The following NRG2 variants were observed in gnomAD, a reference collection of about 807,000 sequenced individuals.
NRG2 encodes the protein pro-neuregulin-2, membrane-bound isoform.
NRG2 carries 27 observed loss-of-function variants against 73.9 expected under a neutral mutation model. The ratio of observed to expected loss-of-function variants is 0.37; its 90% CI spans 0.27 to 0.50. NRG2 has a LOEUF of 0.50. Ranked by LOEUF, NRG2 falls within the 20% of genes least tolerant of loss-of-function variation. The pLI, the probability that NRG2 is intolerant of heterozygous loss-of-function variation, is 0.96. For missense variants in NRG2, 1,126 were observed against 1,210.1 expected, an observed-to-expected ratio of 0.93 and a Z score of 1.03; for synonymous variants, 532 against 541.0, an observed-to-expected ratio of 0.98 and a Z score of 0.23.
chr5:139,951,579 G>T (rs369436157), intron 1 of NRG2, among the ~76,000 whole-genome samples: 1 of 127,660 alleles, frequency 7.8e-6, no homozygotes, highest in African/African-American at 3.6e-5. Flanking sequence ...GAGCTCCGTG[G>T]CTCCTCTAAT....
At chr5:139,916,097 G>A (rs1320757223) in intron 1 of NRG2, among the ~76,000 whole-genome samples, 1 of 152,196 alleles carries the variant, frequency 6.6e-6, no homozygotes, top group Non-Finnish European at 1.5e-5. Flanking sequence ...GCAGAGTCTG[G>A]AGGCAGCAAG....
At chr5:139,957,303 ATCTCTGTGTGTG>A (rs1208776481) in intron 1 of NRG2, among the ~76,000 whole-genome samples, 1 of 127,206 alleles carries the variant, frequency 7.9e-6, no homozygotes, top group East Asian at 2.3e-4. Context: ...CCACTCAAGA[ATCTCTGTGTGTG>A]TGTGTGTGTG....
At chr5:139,881,783 GC>G (rs1284596243) in intron 2 of NRG2, among the ~76,000 whole-genome samples, 9 of 152,200 alleles carry the variant, frequency 5.9e-5, no homozygotes, top group Non-Finnish European at 1.2e-4. Flanking sequence ...AAAAGCTGGG[GC>G]TAGCCCTGAA....
At chr5:139,885,203 T>G (rs1738911906) in intron 2 of NRG2, among the ~76,000 whole-genome samples, 1 of 151,784 alleles carries the variant, frequency 6.6e-6, no homozygotes, top group South Asian at 2.1e-4. Context: ...GAAGGTGAAA[T>G]CACCCACAGG....
At chr5:139,971,514 T>G (rs1755968070) in intron 1 of NRG2, among the ~76,000 whole-genome samples, 1 of 152,016 alleles carries the variant, frequency 6.6e-6, no homozygotes, top group Non-Finnish European at 1.5e-5. Context: ...GGCCTCAAAA[T>G]AGGTCAAACA....
In NRG2 at chr5:139,868,282, G is replaced by T. The variant is rs573868077; in HGVS notation, c.1113-2657C>A. Among the ~76,000 whole-genome samples, 2 of 152,196 alleles carry T rather than the reference G, an allele frequency of 1.3e-5. No homozygotes were observed. The highest frequency in any genetic ancestry group is 2.1e-4 in the South Asian group (1 of 4,816). ...TGGGGCTTCCCTAGAGAAGGCTTTG[G>T]GGGTGAGCTGGGCCTATAGCCTCTC... is the stretch of plus-strand genomic sequence containing the variant. On this transcript the variant is annotated intron_variant, in intron 4 of 9. Coordinates refer to ENST00000361474, the MANE Select transcript of NRG2 (RefSeq NM_004883.3). The surrounding 1 kb of genome is among the most constrained non-coding windows in gnomAD (Gnocchi z 4.2).
intron 1 of NRG2, among the ~76,000 whole-genome samples, chr5:139,907,058 G>T (rs1381017453): frequency 6.6e-6 from 1 of 152,152 alleles, no homozygotes; most frequent in African/African-American, 2.4e-5. Flanking sequence ...GTGCACATGG[G>T]TGTGTATGTG....
intron 1 of NRG2, among the ~76,000 whole-genome samples, chr5:140,031,208 A>G (rs1761118545): frequency 6.6e-6 from 1 of 152,228 alleles, no homozygotes; most frequent in African/African-American, 2.4e-5. Context: ...TGTTACATTC[A>G]GAGAAGAGCA....
chr5:139,875,145 G>C (rs1425263370), intron 3 of NRG2, among the ~76,000 whole-genome samples: 1 of 152,130 alleles, frequency 6.6e-6, no homozygotes, highest in East Asian at 1.9e-4. Context: ...CCAAGTAGCT[G>C]GGATTACAGG....
At chr5:139,969,086 T>C (rs1230695026) in intron 1 of NRG2, among the ~76,000 whole-genome samples, 1 of 152,198 alleles carries the variant, frequency 6.6e-6, no homozygotes, top group Non-Finnish European at 1.5e-5. Flanking sequence ...AAGGATATAG[T>C]GTTCTAGGGC....
chr5:139,965,008 T>A (rs1042791403), intron 1 of NRG2, among the ~76,000 whole-genome samples: 1 of 152,106 alleles, frequency 6.6e-6, no homozygotes, highest in African/African-American at 2.4e-5. Flanking sequence ...GAAACAAAGG[T>A]GTCTTGATGC....
chr5:139,959,943 G>T (rs1356841527), intron 1 of NRG2, among the ~76,000 whole-genome samples: 1 of 152,226 alleles, frequency 6.6e-6, no homozygotes, highest in Admixed American at 6.5e-5. Flanking sequence ...TGAGGAAAAG[G>T]TGAGTAGGGG....
intron 1 of NRG2, among the ~76,000 whole-genome samples, chr5:139,916,210 A>G (rs750569349): frequency 6.6e-6 from 1 of 152,182 alleles, no homozygotes; most frequent in Non-Finnish European, 1.5e-5. Context: ...TCTGAATTAC[A>G]GTCTCTGGGG....
intron 1 of NRG2, among the ~76,000 whole-genome samples, chr5:139,992,911 T>C (rs1019618137): frequency 6.6e-6 from 1 of 152,166 alleles, no homozygotes; most frequent in East Asian, 1.9e-4. Context: ...TTAAACACCA[T>C]GGTTTGGTTT....
intron 9 of NRG2, 82 bp from the exon 10 acceptor site, chr5:139,848,779 G>GTC: frequency 5.0e-6 from 1 of 198,602 alleles, no homozygotes. Flanking sequence ...GGTAGGGTGG[G>GTC]AGGGGCGGAC....
chr5:139,852,309 G>C lies in NRG2; in HGVS notation c.1544+123C>G, dbSNP rs1273975453. The C allele has an allele frequency of 2.4e-6, 3 of 1,249,706 alleles. No individual in the cohort carries two copies. The highest frequency in any genetic ancestry group is 3.3e-6 in the Non-Finnish European group (3 of 903,152). 77.4% of individuals were successfully genotyped at this position (1,249,706 alleles called of 1,614,324 possible). On this transcript the variant is annotated intron_variant, in intron 8 of 9. Transcript: ENST00000361474. The surrounding 1 kb of genome is among the most constrained non-coding windows in gnomAD (Gnocchi z 4.4). Reference sequence around the variant, plus strand: ...TCTGGAGAGGAGGCTAAGGTGTGCTGTGATTCCTGTGGCAAGCTCAGGGGA... The same window carrying C: ...TCTGGAGAGGAGGCTAAGGTGTGCTCTGATTCCTGTGGCAAGCTCAGGGGA...
intron 1 of NRG2, among the ~76,000 whole-genome samples, chr5:139,888,115 A>AAAACACACACACACACAC (rs370887031): frequency 1.9e-4 from 29 of 148,904 alleles, no homozygotes; most frequent in African/African-American, 7.1e-4. Flanking sequence ...AAAACAAAAC[A>AAAACACACACACACACAC]ACACACACAC....
chr5:140,040,324 CT>C (rs1761816964), intron 1 of NRG2, among the ~76,000 whole-genome samples: 1 of 152,046 alleles, frequency 6.6e-6, no homozygotes, highest in South Asian at 2.1e-4. Context: ...CTAAATGTAT[CT>C]TTTTAAGAAC....
intron 2 of NRG2, among the ~76,000 whole-genome samples, chr5:139,884,425 G>A (rs1399350322): frequency 6.6e-6 from 1 of 152,220 alleles, no homozygotes; most frequent in African/African-American, 2.4e-5. Context: ...GCAGTGTGAG[G>A]AAACTGCATG....
Sources: gnomAD v4.1 joint callset for allele counts (sites outside exome capture counted in the v4.1 genomes callset) on GRCh38, gnomAD v4.1.1 for gene constraint, Gnocchi (gnomAD v3.1) non-coding constraint, MANE v1.5 for transcripts, NCBI Gene and HGNC (gene_info 2026-07-23, HGNC 2026-07-21) for gene names.